The following RGS6 variants were observed in gnomAD, a reference collection of about 807,000 sequenced individuals.
The protein encoded by RGS6 is regulator of G-protein signaling 6.
A neutral mutation model predicts 78.5 loss-of-function variants in RGS6; 30 were observed. The observed-to-expected ratio is 0.38, with a 90% CI of 0.29 to 0.52. RGS6 has a LOEUF of 0.52. Among genes scored for constraint, RGS6 ranks in the 20% least tolerant of loss-of-function variants. The probability of loss-of-function intolerance (pLI) is 0.85; values close to 1 mark genes in which losing one functional copy is unlikely to be tolerated. For missense variants in RGS6, 495 were observed against 609.7 expected, an observed-to-expected ratio of 0.81 and a Z score of 1.98; for synonymous variants, 206 against 206.0, an observed-to-expected ratio of 1.00 and a Z score of 0.00.
chr14:72,173,134 C>T (rs1213178061), intron 2 of RGS6, among the ~76,000 whole-genome samples: 2 of 152,082 alleles, frequency 1.3e-5, no homozygotes, highest in Non-Finnish European at 2.9e-5. Context: ...TACTGGCAGA[C>T]ACCTTTCCTG....
chr14:71,965,972 TATTA>T (rs1378526261), intron 2 of RGS6, among the ~76,000 whole-genome samples: 1 of 152,236 alleles, frequency 6.6e-6, no homozygotes, highest in Non-Finnish European at 1.5e-5. Flanking sequence ...TCATTGGTGC[TATTA>T]ATTCAAATTG....
At chr14:72,611,941 C>T in the RGS6 span, among the ~76,000 whole-genome samples, 3 of 152,170 alleles carry the variant, frequency 2.0e-5, no homozygotes, top group East Asian at 3.9e-4. Context: ...GATTGCTTGG[C>T]AGAGCTTAAT....
chr14:71,943,913 A>G (rs2091056962), intron 1 of RGS6, among the ~76,000 whole-genome samples: 1 of 152,120 alleles, frequency 6.6e-6, no homozygotes, highest in African/African-American at 2.4e-5. Flanking sequence ...ATGGATTGGT[A>G]TGAGTGTGGA....
intron 7 of RGS6, among the ~76,000 whole-genome samples, 157 bp downstream of exon 7, chr14:72,465,979 C>A (rs1184293120): frequency 6.6e-6 from 1 of 151,908 alleles, no homozygotes; most frequent in Non-Finnish European, 1.5e-5. Context: ...GTTCTCAGCT[C>A]CTCTGACCAT....
At chr14:72,319,861 A>G (rs1251157837) in intron 2 of RGS6, among the ~76,000 whole-genome samples, 2 of 152,234 alleles carry the variant, frequency 1.3e-5, no homozygotes, top group East Asian at 3.8e-4. Flanking sequence ...GAAGAAGAGA[A>G]TTAAACAAAT....
chr14:72,261,093 C>T (rs781727257), intron 2 of RGS6, among the ~76,000 whole-genome samples: 1 of 152,112 alleles, frequency 6.6e-6, no homozygotes, highest in Non-Finnish European at 1.5e-5. Context: ...GGTTCTTCCA[C>T]CATGCTAGGG....
chr14:72,152,349 A>G lies in RGS6; in HGVS notation c.84+187474A>G, dbSNP rs547285513. On this transcript the variant is annotated intron_variant, in intron 2 of 17. Transcript: ENST00000553525. ...AAGGAGATAAATTTCAACGCAACAG[A>G]AAGTGGAACTGTCTAGTGAATGGTC... Among the ~76,000 whole-genome samples the G allele has an allele frequency of 1.1e-3, 172 of 152,208 alleles. 1 individual carries two copies. Among genetic ancestry groups the G allele is most frequent in the African/African-American group, 3.6e-3 (149 of 41,522 alleles).
At chr14:72,269,324 A>T (rs1219213509) in intron 2 of RGS6, among the ~76,000 whole-genome samples, 1 of 152,196 alleles carries the variant, frequency 6.6e-6, no homozygotes, top group Non-Finnish European at 1.5e-5. Context: ...CATTCCAGAT[A>T]AAAGCGGAAG....
intron 2 of RGS6, among the ~76,000 whole-genome samples, chr14:72,270,528 TGGC>T (rs2059784885): frequency 6.6e-6 from 1 of 152,224 alleles, no homozygotes. Context: ...TTGGTGTGGT[TGGC>T]GGCATTAGTT....
At chr14:72,302,218 G>A (rs1475284832) in intron 2 of RGS6, among the ~76,000 whole-genome samples, 1 of 152,208 alleles carries the variant, frequency 6.6e-6, no homozygotes, top group Non-Finnish European at 1.5e-5. Flanking sequence ...GTGGTAATAA[G>A]AGCCGGCACT....
chr14:72,426,211 A>G (rs867336751), intron 3 of RGS6, among the ~76,000 whole-genome samples: 7 of 152,210 alleles, frequency 4.6e-5, no homozygotes, highest in South Asian at 2.1e-4. Flanking sequence ...AGCCCTTAAC[A>G]TAATTCTTAG....
At chr14:71,878,815 A>G in the RGS6 span, among the ~76,000 whole-genome samples, 1 of 152,292 alleles carries the variant, frequency 6.6e-6, no homozygotes, top group African/African-American at 2.4e-5. Flanking sequence ...CTATTTGGCC[A>G]TCTTGGAACC....
At chr14:72,127,747 A>T (rs2096234024) in intron 2 of RGS6, among the ~76,000 whole-genome samples, 1 of 152,178 alleles carries the variant, frequency 6.6e-6, no homozygotes, top group Non-Finnish European at 1.5e-5. Flanking sequence ...TCCCAACCAG[A>T]ATATTGACAT....
intron 2 of RGS6, among the ~76,000 whole-genome samples, chr14:72,324,319 A>T (rs1310709381): frequency 6.6e-6 from 1 of 152,206 alleles, no homozygotes; most frequent in Non-Finnish European, 1.5e-5. Context: ...CATAAACAAA[A>T]TCAGAAAATG....
At chr14:72,556,829 T>G (rs2097584937) in intron 17 of RGS6, among the ~76,000 whole-genome samples, 2 of 152,236 alleles carry the variant, frequency 1.3e-5, no homozygotes, top group South Asian at 4.1e-4. Flanking sequence ...ACGTCTCTTT[T>G]TTGATTAATT....
intron 2 of RGS6, among the ~76,000 whole-genome samples, chr14:72,217,800 G>A (rs532774563): frequency 6.6e-6 from 1 of 152,038 alleles, no homozygotes; most frequent in Admixed American, 6.6e-5. Context: ...TATATACTAG[G>A]TCATATTATA....
chr14:72,016,028 C>T, intron 2 of RGS6, among the ~76,000 whole-genome samples: 1 of 152,278 alleles, frequency 6.6e-6, no homozygotes, highest in Admixed American at 6.5e-5. Context: ...TATGATGTCT[C>T]TAATTAAACA....
At chr14:71,947,511 G>A (rs1249025190) in intron 1 of RGS6, among the ~76,000 whole-genome samples, 1 of 152,086 alleles carries the variant, frequency 6.6e-6, no homozygotes. Context: ...TCGAGACAGG[G>A]TCTCACTCTG....
intron 2 of RGS6, among the ~76,000 whole-genome samples, chr14:72,310,018 T>A (rs8021617): frequency 0.039 from 5,900 of 152,334 alleles, 342 homozygotes; most frequent in African/African-American, 0.13. Flanking sequence ...GTCAGCTCTT[T>A]GAGAGAGCAG....
Sources: gnomAD v4.1 joint callset for allele counts (sites outside exome capture counted in the v4.1 genomes callset) on GRCh38, gnomAD v4.1.1 for gene constraint, MANE v1.5 for transcripts, NCBI Gene and HGNC (gene_info 2026-07-23, HGNC 2026-07-21) for gene names.